The following PREX1 variants were observed in gnomAD, a reference collection of about 807,000 sequenced individuals.
The protein encoded by PREX1 is phosphatidylinositol 3,4,5-trisphosphate-dependent Rac exchanger 1 protein.
Under a neutral mutation model 198.3 loss-of-function variants are expected in PREX1, and 41 were observed. The observed-to-expected ratio is 0.21, with a 90% confidence interval of 0.16 to 0.27. The LOEUF (loss-of-function observed/expected upper bound fraction) is 0.27, where lower values mean the gene tolerates loss of function less well. Ranked by LOEUF, PREX1 falls within the 10% of genes least tolerant of loss-of-function variation. PREX1 has a pLI of 1.00. For synonymous variants in PREX1, 843 were observed against 887.2 expected (o/e 0.95, Z 0.89); for missense variants, 1,620 against 2,200.7 (o/e 0.74, Z 5.28).
chr20:48,821,117 G>A lies in PREX1; in HGVS notation c.219+6525C>T, dbSNP rs540454657. On this transcript the variant is annotated intron_variant, in intron 1 of 39. Transcript: ENST00000371941. ...TTCGGGAGGATGAGGCAAGAGAATCGCTTGAACCCGGGAGGCAGAGGTTGA... is the reference window on the plus strand; with the variant it reads ...TTCGGGAGGATGAGGCAAGAGAATCACTTGAACCCGGGAGGCAGAGGTTGA... Among the ~76,000 whole-genome samples the A allele has an allele frequency of 6.7e-4, 102 of 152,222 alleles. 1 individual carries two copies. The highest frequency in any genetic ancestry group is 1.0e-3 in the Non-Finnish European group (68 of 68,004).
At position 48,625,863 on chromosome 20, in the gene PREX1, C is replaced by T. The variant is rs773093731; in HGVS notation, c.*22G>A. ...AAATCCCAGCTCCAGAGGCCGCGGC[C>T]CAGCGTGGGGCATTTGGGTGTTCAG... On this transcript the variant is annotated 3_prime_UTR_variant, in exon 40 of 40. Coordinates refer to ENST00000371941, the MANE Select transcript of PREX1 (RefSeq NM_020820.4). 7.7e-6 allele frequency: 12 copies of T among 1,554,862 alleles called. No individual in the cohort carries two copies. The highest frequency in any genetic ancestry group is 1.0e-5 in the Non-Finnish European group (12 of 1,149,858).
intron 17 of PREX1, 81 bp downstream of exon 17, chr20:48,658,055 G>A (rs1264489739): frequency 4.0e-5 from 54 of 1,336,596 alleles, no homozygotes; most frequent in Non-Finnish European, 5.3e-5. Context: ...TCCTGGGCTG[G>A]GCTGCCTCAA....
At chr20:48,635,318 CTT>C (rs760538287) in intron 32 of PREX1, among the ~76,000 whole-genome samples, 26 of 152,184 alleles carry the variant, frequency 1.7e-4, no homozygotes, top group South Asian at 6.2e-4. Context: ...TCCACCATCT[CTT>C]GTCAAGATGA....
chr20:48,799,090 G>C (rs191659209), intron 1 of PREX1, among the ~76,000 whole-genome samples: 1 of 152,228 alleles, frequency 6.6e-6, no homozygotes, highest in Admixed American at 6.5e-5. Context: ...CACCACGTTG[G>C]CCAGACTGGT....
At chr20:48,640,187 CTTTCCTTTCG>C (rs1440831896) in intron 29 of PREX1, among the ~76,000 whole-genome samples, 6 of 152,236 alleles carry the variant, frequency 3.9e-5, no homozygotes, top group African/African-American at 1.4e-4. Flanking sequence ...TCAATCACGG[CTTTCCTTTCG>C]TCTAAGCCTG....
In PREX1 at chr20:48,634,734, C is replaced by G; in HGVS notation, c.4209G>C (p.Leu1403=). ...RTMLEDIWVT[L]SELDNVTFSF... ...AGAAGGTGACATTGTCCAGCTCTGA[C>G]AGCGTCACCCAGATGTCCTCCAGCA... Residue 1403 remains leucine, a synonymous_variant, in exon 33 of 40, where the codon CTG becomes CTC. Transcript: ENST00000371941. 1 of 1,614,242 alleles carries G rather than the reference C, an allele frequency of 6.2e-7. No homozygotes were observed. The highest frequency in any genetic ancestry group is 8.5e-7 in the Non-Finnish European group (1 of 1,180,042).
chr20:48,828,325 C>CG (rs1283928716), upstream of PREX1, among the ~76,000 whole-genome samples: 9 of 152,034 alleles, frequency 5.9e-5, no homozygotes, highest in Non-Finnish European at 1.2e-4. Context: ...GTGGCGCCCC[C>CG]CCAACCCGCA....
At chr20:48,626,682 G>A (rs556451992) in intron 39 of PREX1, among the ~76,000 whole-genome samples, 9 of 152,354 alleles carry the variant, frequency 5.9e-5, no homozygotes, top group Admixed American at 5.2e-4. Context: ...GCCACAGCAC[G>A]CACAGTGACT....
intron 1 of PREX1, among the ~76,000 whole-genome samples, chr20:48,802,232 C>T (rs2090390640): frequency 1.3e-5 from 2 of 152,006 alleles, no homozygotes; most frequent in African/African-American, 4.8e-5. Context: ...CACTGCCTGG[C>T]CTAATGCTCC....
chr20:48,722,179 C>G (rs1313099882), intron 5 of PREX1, among the ~76,000 whole-genome samples: 1 of 152,170 alleles, frequency 6.6e-6, no homozygotes. Flanking sequence ...CAACATGACT[C>G]ACAATAGCCA....
intron 30 of PREX1, among the ~76,000 whole-genome samples, chr20:48,638,543 C>T (rs1449527825): frequency 6.6e-6 from 1 of 152,180 alleles, no homozygotes; most frequent in Non-Finnish European, 1.5e-5. Context: ...TATTAGGTGC[C>T]TTCTTCCCCA....
chr20:48,878,023 C>T, the PREX1 span, among the ~76,000 whole-genome samples: 3 of 152,068 alleles, frequency 2.0e-5, no homozygotes, highest in South Asian at 6.2e-4. Flanking sequence ...GCAGGATAAT[C>T]GCTTGAACCC....
At chr20:48,863,586 CTTTTTT>C in the PREX1 span, among the ~76,000 whole-genome samples, 3 of 104,306 alleles carry the variant, frequency 2.9e-5, no homozygotes, top group Non-Finnish European at 1.9e-5. Context: ...TTCATATTGT[CTTTTTT>C]TTTTTTTTTT....
At chr20:48,708,201 C>T (rs2089912704) in intron 6 of PREX1, 59 bp downstream of exon 6, 2 of 1,574,766 alleles carry the variant, frequency 1.3e-6, no homozygotes, top group African/African-American at 1.3e-5. Context: ...TTCATGACTG[C>T]ACCTGTGCAC....
rs554498722 is a variant in PREX1 at position 48,664,297 on chromosome 20, C to T, written c.1738+1986G>A. On this transcript the variant is annotated intron_variant, in intron 15 of 39. Transcript: ENST00000371941. ...GGCTGAGGCAGGAGAATGGCGTGAA[C>T]CCAGGAGGTGGAGCTTGCAGTGAGC... Among the ~76,000 whole-genome samples the T allele has an allele frequency of 2.0e-5, 3 of 151,966 alleles. No individual in the cohort carries two copies. In the South Asian group the frequency reaches 6.2e-4, roughly 32 times the overall value.
chr20:48,791,233 G>A (rs2090337647), intron 1 of PREX1, among the ~76,000 whole-genome samples: 1 of 152,066 alleles, frequency 6.6e-6, no homozygotes, highest in Non-Finnish European at 1.5e-5. Context: ...CGTTACCTTC[G>A]CGCTGCTGCT....
chr20:48,777,699 C>T (rs911692454), intron 1 of PREX1, among the ~76,000 whole-genome samples: 1 of 152,150 alleles, frequency 6.6e-6, no homozygotes, highest in Non-Finnish European at 1.5e-5. Context: ...GGCAGCTGTA[C>T]CTCTCTGAGA....
intron 14 of PREX1, among the ~76,000 whole-genome samples, chr20:48,672,629 C>A (rs1217370075): frequency 6.6e-6 from 1 of 152,250 alleles, no homozygotes; most frequent in Non-Finnish European, 1.5e-5. Context: ...CACCCTGGCC[C>A]CCTCTCTGCT....
At chr20:48,863,586 CTTTTT>C in the PREX1 span, among the ~76,000 whole-genome samples, 1 of 104,350 alleles carries the variant, frequency 9.6e-6, no homozygotes, top group African/African-American at 3.8e-5. Context: ...TTCATATTGT[CTTTTT>C]TTTTTTTTTT....
Sources: allele counts gnomAD v4.1 joint callset (sites outside exome capture counted in the v4.1 genomes callset), GRCh38; gene constraint gnomAD v4.1.1; transcripts MANE v1.5; gene names NCBI Gene and HGNC (gene_info 2026-07-23, HGNC 2026-07-21).